NCAPD2: variants seen among roughly 807,000 people sequenced by gnomAD.
The protein encoded by NCAPD2 is non-SMC condensin I complex subunit D2.
In NCAPD2, 100 loss-of-function variants were observed where a neutral mutation model predicts 164.5. That is an observed-to-expected ratio of 0.61 (90% CI 0.52 to 0.72). NCAPD2 has a LOEUF of 0.72. Among genes scored for constraint, NCAPD2 ranks in the 30% least tolerant of loss-of-function variants. NCAPD2 has a pLI of 0.00. For synonymous variants in NCAPD2, 585 were observed against 642.6 expected (o/e 0.91, Z 1.36); for missense variants, 1,560 against 1,749.2 (o/e 0.89, Z 1.93).
chr12:6,504,222 T>TATAC (rs1946076664), intron 2 of NCAPD2, among the ~76,000 whole-genome samples: 1 of 27,204 alleles, frequency 3.7e-5, no homozygotes, highest in Non-Finnish European at 5.8e-5. Flanking sequence ...TATATAGATA[T>TATAC]AGATATATAT....
chr12:6,518,511 T>TTTTTTTTTTTTTTTTTTTTTTTTG (rs1946229868), intron 13 of NCAPD2, among the ~76,000 whole-genome samples: 1 of 99,856 alleles, frequency 1.0e-5, no homozygotes, highest in Non-Finnish European at 1.9e-5. Flanking sequence ...CAAGTTTTTT[T>TTTTTTTTTTTTTTTTTTTTTTTTG]TTTTTTTTTT....
At position 6,522,297 on chromosome 12, in the gene NCAPD2, G is replaced by T. The variant is rs1946271195; in HGVS notation, c.1954+260G>T. On this transcript the variant is annotated intron_variant, in intron 15 of 31. Transcript: ENST00000315579. ...TCTATCTGCTCCTTTAAAAGGCAGG[G>T]GTTCTCGGCTGGGCGCGATGGCTCA... is the stretch of plus-strand genomic sequence containing the variant. 1.3e-5 allele frequency among the ~76,000 whole-genome samples: 2 copies of T among 152,184 alleles called. 1 individual carries two copies. The highest frequency in any genetic ancestry group is 2.9e-5 in the Non-Finnish European group (2 of 68,002).
chr12:6,503,277 T>C (rs371419282), intron 2 of NCAPD2, among the ~76,000 whole-genome samples: 1 of 148,258 alleles, frequency 6.7e-6, no homozygotes, highest in African/African-American at 2.5e-5. Flanking sequence ...GAGAAAAATA[T>C]GCTGTTATAA....
chr12:6,527,079 C>CA lies in NCAPD2; in HGVS notation c.2907+17dup. On this transcript the variant is annotated intron_variant, in intron 22 of 31. Coordinates refer to ENST00000315579, the MANE Select transcript of NCAPD2 (RefSeq NM_014865.4). ...CAAGGAGAAGGTGTGTGAATGTCCTCAGCACTTCCCAGATTTATTTCATAC... is the reference window on the plus strand; with the variant it reads ...CAAGGAGAAGGTGTGTGAATGTCCTCAAGCACTTCCCAGATTTATTTCATAC... 1 of 1,590,044 alleles carries CA rather than the reference C, an allele frequency of 6.3e-7. No homozygotes were observed. Among genetic ancestry groups the CA allele is most frequent in the Non-Finnish European group, 8.6e-7 (1 of 1,165,646 alleles).
At position 6,518,515 on chromosome 12, in the gene NCAPD2, T is replaced by TTTTTTTTTTTTTTTTTTTG. The variant is rs1946230813; in HGVS notation, c.1589+574_1589+575insGTTTTTTTTTTTTTTTTTT. ...ACAGCCGTCAACAAGTTTTTTTTTT[T>TTTTTTTTTTTTTTTTTTTG]TTTTTTTTTTTTTTTTTTTGAGATG... is the stretch of plus-strand genomic sequence containing the variant. On this transcript the variant is annotated intron_variant, in intron 13 of 31. Transcript: ENST00000315579. 1.8e-5 allele frequency among the ~76,000 whole-genome samples: 2 copies of TTTTTTTTTTTTTTTTTTTG among 109,240 alleles called. 1 individual carries two copies. Among genetic ancestry groups the TTTTTTTTTTTTTTTTTTTG allele is most frequent in the Non-Finnish European group, 3.7e-5 (2 of 54,494 alleles). The allele number at this position is 109,240 out of a possible 152,430, so 71.7% of individuals were successfully genotyped here.
In NCAPD2 at chr12:6,531,809, T is replaced by TAA; in HGVS notation, c.*406_*407dup. 1 of 217,928 alleles carries TAA rather than the reference T, an allele frequency of 4.6e-6. No homozygotes were observed. Among genetic ancestry groups the TAA allele is most frequent in the Non-Finnish European group, 9.3e-6 (1 of 107,356 alleles). 13.5% of individuals were successfully genotyped at this position (217,928 alleles called of 1,614,324 possible). On this transcript the variant is annotated 3_prime_UTR_variant, in exon 32 of 32. Coordinates refer to ENST00000315579, the MANE Select transcript of NCAPD2 (RefSeq NM_014865.4). This position sits in a 1 kb window ranked among gnomAD's most constrained non-coding sequence, Gnocchi z 4.1. ...ACAATAGCGAACCTCCATCTCAAAT[T>TAA]AAAAAAAAAATGCCTACACGCTCTT...
chr12:6,520,754 G>A (rs1304183748), intron 13 of NCAPD2, among the ~76,000 whole-genome samples: 1 of 152,154 alleles, frequency 6.6e-6, no homozygotes, highest in Admixed American at 6.5e-5. Flanking sequence ...GTAATGCCTT[G>A]TAGGTTCAGA....
Position 6,517,897 on chromosome 12 carries a change from TAC to T in NCAPD2, c.1529_1530del (p.Thr510ArgfsTer4). 1 of 1,614,142 alleles carries T rather than the reference TAC, an allele frequency of 6.2e-7. No individual in the cohort carries two copies. The highest frequency in any genetic ancestry group is 1.1e-5 in the South Asian group (1 of 91,074). On this transcript the variant is annotated frameshift_variant, in exon 13 of 32. Coordinates refer to ENST00000315579, the MANE Select transcript of NCAPD2 (RefSeq NM_014865.4). LOFTEE classifies it high-confidence loss of function. ...AGGAGATTCCTGAGCAAATTGCCAA[TAC>T]AGAGACAACTGAAGATGTGAAAGGA... ...EEEIPEQIAN[T>X]ETTEDVKGRI... is the part of the protein sequence containing the mutation.
chr12:6,511,295 G>T, intron 6 of NCAPD2, 43 bp downstream of exon 6: 2 of 1,590,754 alleles, frequency 1.3e-6, no homozygotes, highest in Non-Finnish European at 1.7e-6. Flanking sequence ...AGCTGTGAGA[G>T]TGAGGCTCTG....
intron 1 of NCAPD2, among the ~76,000 whole-genome samples, 183 bp downstream of exon 1, chr12:6,494,337 A>T (rs1945955223): frequency 2.0e-5 from 1 of 50,932 alleles, no homozygotes; most frequent in East Asian, 2.7e-4. Flanking sequence ...CAGATCCGCA[A>T]CGGAAGATGT....
intron 2 of NCAPD2, among the ~76,000 whole-genome samples, chr12:6,502,900 G>C (rs1043585262): frequency 1.4e-4 from 21 of 151,620 alleles, no homozygotes; most frequent in Admixed American, 8.6e-4. Context: ...ACCCAGGCTG[G>C]AATACAGTGG....
chr12:6,518,508 T>TTTTTTTG (rs1946228881), intron 13 of NCAPD2, among the ~76,000 whole-genome samples: 4 of 91,142 alleles, frequency 4.4e-5, no homozygotes, highest in Non-Finnish European at 8.4e-5. Context: ...CAACAAGTTT[T>TTTTTTTG]TTTTTTTTTT....
intron 2 of NCAPD2, among the ~76,000 whole-genome samples, chr12:6,503,770 ATT>A (rs66934244): frequency 1.0e-3 from 141 of 138,974 alleles, no homozygotes; most frequent in Middle Eastern, 3.8e-3. Flanking sequence ...GACTCCATCT[ATT>A]TTTTTTTTTT....
At position 6,531,562 on chromosome 12, in the gene NCAPD2, T is replaced by G; in HGVS notation, c.*150T>G. On this transcript the variant is annotated 3_prime_UTR_variant, in exon 32 of 32. Coordinates refer to ENST00000315579, the MANE Select transcript of NCAPD2 (RefSeq NM_014865.4). The surrounding 1 kb of genome is among the most constrained non-coding windows in gnomAD (Gnocchi z 4.1). Reference sequence around the variant, plus strand: ...GGCTCACGCCTGTAATCCCAGCACTTTGCGATACCAAGGCGGGTGGATAAC... The same window carrying G: ...GGCTCACGCCTGTAATCCCAGCACTGTGCGATACCAAGGCGGGTGGATAAC... 6.8e-7 allele frequency: 1 copy of G among 1,480,362 alleles called. No homozygotes were observed. The highest frequency in any genetic ancestry group is 9.0e-7 in the Non-Finnish European group (1 of 1,106,418). The allele number at this position is 1,480,362 out of a possible 1,614,324, so 91.7% of individuals were successfully genotyped here. A position where few individuals can be genotyped will look rare whatever the true frequency, so the allele number is the denominator to read the frequency against.
chr12:6,521,876 A>T lies in NCAPD2; in HGVS notation c.1793A>T (p.Asn598Ile), dbSNP rs200329416. 5.8e-5 allele frequency: 94 copies of T among 1,614,150 alleles called. No homozygotes were observed. The Middle Eastern group carries it at 8.3e-4, about 14-fold the overall frequency. ...NMVTGQTVCK[N>I]KPNMSDPEES... Reference sequence around the variant, plus strand: ...GTCACAGGACAGACTGTCTGTAAAAATAAACCCAATATGTCGGATCCTGAG... The same window carrying T: ...GTCACAGGACAGACTGTCTGTAAAATTAAACCCAATATGTCGGATCCTGAG... The change falls in exon 15 of 32, where the codon AAT (asparagine) becomes ATT (isoleucine). Residue 598 changes from asparagine (N) to isoleucine (I), a missense_variant. Asn to Ile is a moderately radical substitution (Grantham distance 149, BLOSUM62 -3). Transcript: ENST00000315579.
At chr12:6,511,866 G>A (rs1043836449) in intron 6 of NCAPD2, among the ~76,000 whole-genome samples, 3 of 152,046 alleles carry the variant, frequency 2.0e-5, no homozygotes, top group Admixed American at 1.3e-4. Context: ...TGCCTGTAAT[G>A]CCAGCTACTT....
At chr12:6,494,196 G>A (rs990734912) in intron 1 of NCAPD2, 42 bp downstream of exon 1, 1 of 152,288 alleles carries the variant, frequency 6.6e-6, no homozygotes, top group Non-Finnish European at 1.5e-5. Flanking sequence ...TAGGAAAGTC[G>A]AGTACATGGC....
Position 6,526,356 on chromosome 12 carries a change from G to C in NCAPD2, c.2551G>C (p.Glu851Gln), listed in dbSNP as rs774704688. ...ACACAGGTTGTTTGAGCGACTGCGG[G>C]AGACAGTCACAAAAGGTGAGCTCTC... ...QEHRLFERLR[E>Q]TVTKGFVHPD... Residue 851 changes from glutamate to glutamine, a missense_variant, in exon 20 of 32, where the codon GAG becomes CAG. Physicochemically the swap from Glu to Gln is conservative, Grantham distance 29. Coordinates refer to ENST00000315579, the MANE Select transcript of NCAPD2 (RefSeq NM_014865.4). 2 of 1,614,046 alleles carry C rather than the reference G, an allele frequency of 1.2e-6. No homozygotes were observed.
At chr12:6,524,180 G>T (rs1365274148) in intron 17 of NCAPD2, among the ~76,000 whole-genome samples, 1 of 152,074 alleles carries the variant, frequency 6.6e-6, no homozygotes, top group Non-Finnish European at 1.5e-5. Context: ...AGCGGTTTGG[G>T]GTAGAATGGT....
Sources: allele counts gnomAD v4.1 joint callset (sites outside exome capture counted in the v4.1 genomes callset), GRCh38; gene constraint gnomAD v4.1.1; non-coding constraint Gnocchi (gnomAD v3.1); transcripts MANE v1.5; gene names NCBI Gene and HGNC (gene_info 2026-07-23, HGNC 2026-07-21).